RNF152: variants seen among roughly 807,000 people sequenced by gnomAD.
RNF152 encodes E3 ubiquitin-protein ligase RNF152.
In RNF152, 11 loss-of-function variants were observed where a neutral mutation model predicts 12.7. The observed-to-expected ratio is 0.86, with a 90% CI of 0.54 to 1.43. RNF152 has a LOEUF of 1.43. Among genes scored for constraint, RNF152 ranks in the 40% most tolerant of loss-of-function variants. The pLI, the probability that RNF152 is intolerant of heterozygous loss-of-function variation, is 0.00. For missense variants in RNF152, 255 were observed against 274.8 expected (o/e 0.93, Z 0.51); for synonymous variants, 113 against 120.3 (o/e 0.94, Z 0.40).
rs1376789164 is a variant in RNF152, at chr18:61,809,274, A to C, written c.*6578T>G. ...CCAGAAAATCCTATGAGGATTTGTAAATGAAATCCTCATAGGATTTTCCTA... is the reference window on the plus strand; with the variant it reads ...CCAGAAAATCCTATGAGGATTTGTACATGAAATCCTCATAGGATTTTCCTA... On this transcript the variant is annotated 3_prime_UTR_variant, in exon 2 of 2. Coordinates refer to ENST00000312828, the MANE Select transcript of RNF152 (RefSeq NM_173557.3). The C allele has an allele frequency of 6.6e-6, 1 of 152,056 alleles. No homozygotes were observed. The highest frequency in any genetic ancestry group is 2.4e-5 in the African/African-American group (1 of 41,382). 9.4% of individuals were successfully genotyped at this position (152,056 alleles called of 1,614,324 possible). A position where few individuals can be genotyped will look rare whatever the true frequency, so the allele number is the denominator to read the frequency against.
upstream of RNF152, chr18:61,894,079 C>A (rs8096049): frequency 1.3e-5 from 2 of 151,944 alleles, no homozygotes; most frequent in Non-Finnish European, 2.9e-5. The surrounding 1 kb of genome is among the most constrained non-coding windows in gnomAD (Gnocchi z 4.9). Context: ...GCGCAGACAT[C>A]CCTGCGCACC....
intron 1 of RNF152, among the ~76,000 whole-genome samples, chr18:61,845,902 A>AC (rs2144683648): frequency 6.6e-6 from 1 of 151,202 alleles, no homozygotes; most frequent in African/African-American, 2.4e-5. Context: ...TGAAGGTATT[A>AC]ACAGGTGGGG....
chr18:61,824,655 C>T (rs1392406635), intron 1 of RNF152, among the ~76,000 whole-genome samples: 1 of 152,186 alleles, frequency 6.6e-6, no homozygotes, highest in Non-Finnish European at 1.5e-5. Context: ...GATCAGTAGC[C>T]TTCCCAGATG....
intron 1 of RNF152, among the ~76,000 whole-genome samples, chr18:61,890,163 T>G (rs1270016973): frequency 6.6e-6 from 1 of 152,206 alleles, no homozygotes; most frequent in Non-Finnish European, 1.5e-5. Flanking sequence ...ATTCAATCAA[T>G]ACTCTTGTGA....
At chr18:61,893,162 G>T (rs761071149), upstream of RNF152, 2 of 152,140 alleles carry the variant, frequency 1.3e-5, no homozygotes, top group East Asian at 3.9e-4. Context: ...GTGGCAGAGC[G>T]CCTACTAGCA....
chr18:61,885,395 C>T (rs1031796442), intron 1 of RNF152, among the ~76,000 whole-genome samples: 8 of 152,104 alleles, frequency 5.3e-5, no homozygotes, highest in African/African-American at 1.9e-4. Context: ...GCAACTTCTG[C>T]CTCCCAGGTT....
chr18:61,857,426 C>T (rs1439135826), intron 1 of RNF152, among the ~76,000 whole-genome samples: 1 of 152,100 alleles, frequency 6.6e-6, no homozygotes, highest in Non-Finnish European at 1.5e-5. Context: ...GCTTTAGAAC[C>T]TTTAGGGCCT....
At position 61,888,675 on chromosome 18, in the gene RNF152, GT is replaced by G. The variant is rs1245166442; in HGVS notation, c.-136+4119del. 1.4e-4 allele frequency: 22 copies of G among 152,286 alleles called. No homozygotes were observed. The East Asian group carries it at 4.2e-3, about 29-fold the overall frequency. The allele number at this position is 152,286 out of a possible 1,614,324, so 9.4% of individuals were successfully genotyped here. ...TTACAATATTTTTAACTTATGAGGGGTTTATGAGGATATAACCCCACTGTAA... is the reference window on the plus strand; with the variant it reads ...TTACAATATTTTTAACTTATGAGGGGTTATGAGGATATAACCCCACTGTAA... On this transcript the variant is annotated intron_variant, in intron 1 of 1. Coordinates refer to ENST00000312828, the MANE Select transcript of RNF152 (RefSeq NM_173557.3).
intron 1 of RNF152, among the ~76,000 whole-genome samples, chr18:61,826,054 G>T (rs1339075602): frequency 1.3e-5 from 2 of 152,178 alleles, no homozygotes; most frequent in Admixed American, 6.5e-5. Context: ...ACTCAACTCT[G>T]CCATCAAAAT....
intron 1 of RNF152, among the ~76,000 whole-genome samples, chr18:61,863,128 C>A (rs545429621): frequency 6.4e-4 from 98 of 152,248 alleles, no homozygotes; most frequent in Admixed American, 3.1e-3. Flanking sequence ...GCCCGTAAAA[C>A]ATTTGCTCTT....
intron 1 of RNF152, among the ~76,000 whole-genome samples, chr18:61,862,736 T>A (rs1178036120): frequency 1.3e-5 from 2 of 152,210 alleles, no homozygotes; most frequent in African/African-American, 4.8e-5. Flanking sequence ...AGTAGGGGTT[T>A]CACCAAGTTC....
chr18:61,819,433 C>T (rs1909270586), intron 1 of RNF152, among the ~76,000 whole-genome samples: 1 of 152,102 alleles, frequency 6.6e-6, no homozygotes, highest in African/African-American at 2.4e-5. Flanking sequence ...ACTGGAAAGA[C>T]CTATTGGGAG....
intron 1 of RNF152, among the ~76,000 whole-genome samples, chr18:61,873,858 G>A (rs1912103545): frequency 6.6e-6 from 1 of 152,178 alleles, no homozygotes; most frequent in Non-Finnish European, 1.5e-5. Context: ...CAAGTCCAGG[G>A]TAGCAGATCT....
At chr18:61,846,990 A>G (rs868347152) in intron 1 of RNF152, among the ~76,000 whole-genome samples, 12 of 152,072 alleles carry the variant, frequency 7.9e-5, no homozygotes, top group African/African-American at 1.7e-4. Flanking sequence ...GGACAATCAC[A>G]CCTCCATCAA....
At position 61,811,800 on chromosome 18, in the gene RNF152, A is replaced by T. The variant is rs1326740359; in HGVS notation, c.*4052T>A. On this transcript the variant is annotated 3_prime_UTR_variant, in exon 2 of 2. Coordinates refer to ENST00000312828, the MANE Select transcript of RNF152 (RefSeq NM_173557.3). The stretch of plus-strand genomic sequence containing the variant: ...GACCCTAGACACAATTTCACAGTAC[A>T]GATCATGCATAGCTTGCAAGTCAAA... 6.6e-6 allele frequency: 1 copy of T among 152,208 alleles called. No homozygotes were observed. The highest frequency in any genetic ancestry group is 1.5e-5 in the Non-Finnish European group (1 of 68,040). The allele number at this position is 152,208 out of a possible 1,614,324, so 9.4% of individuals were successfully genotyped here.
At chr18:61,834,586 G>C (rs1160118929) in intron 1 of RNF152, among the ~76,000 whole-genome samples, 4 of 152,140 alleles carry the variant, frequency 2.6e-5, no homozygotes, top group Admixed American at 1.3e-4. Flanking sequence ...GGTCTGTCTT[G>C]TATTCTTTCT....
chr18:61,854,451 G>A (rs1911127673), intron 1 of RNF152, among the ~76,000 whole-genome samples: 1 of 152,304 alleles, frequency 6.6e-6, no homozygotes, highest in Non-Finnish European at 1.5e-5. Flanking sequence ...GGTAACACCG[G>A]TGTCTTCCAT....
At position 61,814,192 on chromosome 18, in the gene RNF152, T is replaced by C. The variant is rs1221377331; in HGVS notation, c.*1660A>G. ...ATTAATTCCATCACTTTTATATGCA[T>C]ATTTTGTGCTGCTTGAAGATAACAG... On this transcript the variant is annotated 3_prime_UTR_variant, in exon 2 of 2. Coordinates refer to ENST00000312828, the MANE Select transcript of RNF152 (RefSeq NM_173557.3). The C allele has an allele frequency of 6.6e-6, 1 of 152,250 alleles. No individual in the cohort carries two copies. The highest frequency in any genetic ancestry group is 1.5e-5 in the Non-Finnish European group (1 of 68,052). 9.4% of individuals were successfully genotyped at this position (152,250 alleles called of 1,614,324 possible). A position where few individuals can be genotyped will look rare whatever the true frequency, so the allele number is the denominator to read the frequency against.
intron 1 of RNF152, among the ~76,000 whole-genome samples, chr18:61,830,051 T>C (rs1322399962): frequency 6.6e-6 from 1 of 150,776 alleles, no homozygotes; most frequent in Non-Finnish European, 1.5e-5. Flanking sequence ...AGACAGAGTC[T>C]CACTCTGTCG....
Sources: allele counts gnomAD v4.1 joint callset (sites outside exome capture counted in the v4.1 genomes callset), GRCh38; gene constraint gnomAD v4.1.1; non-coding constraint Gnocchi (gnomAD v3.1); transcripts MANE v1.5; gene names NCBI Gene and HGNC (gene_info 2026-07-23, HGNC 2026-07-21).